Variants in SEMA3A observed in about 807,000 individuals in gnomAD.
SEMA3A encodes the protein semaphorin 3A.
Under a neutral mutation model 97.9 loss-of-function variants are expected in SEMA3A, and 29 were observed. The observed-to-expected ratio is 0.30, with a 90% CI of 0.22 to 0.40. The LOEUF (loss-of-function observed/expected upper bound fraction) is 0.40, where lower values mean the gene tolerates loss of function less well. Ranked by LOEUF, SEMA3A falls within the 10% of genes least tolerant of loss-of-function variation. SEMA3A has a pLI of 1.00. For synonymous variants in SEMA3A, 321 were observed against 323.7 expected (o/e 0.99, Z 0.09); for missense variants, 763 against 951.3 (o/e 0.80, Z 2.60).
intron 4 of SEMA3A, among the ~76,000 whole-genome samples, chr7:84,092,357 C>G (rs1431525466): frequency 1.3e-5 from 2 of 152,068 alleles, no homozygotes; most frequent in East Asian, 3.9e-4. Context: ...TGTGTACATA[C>G]GAATGCCTTT....
intron 5 of SEMA3A, among the ~76,000 whole-genome samples, chr7:84,058,620 T>G (rs1228243733): frequency 6.6e-6 from 1 of 152,202 alleles, no homozygotes; most frequent in African/African-American, 2.4e-5. Context: ...ATCTTGCTAT[T>G]CAATGATTTC....
At chr7:84,303,012 A>G (rs1434610615) in intron 3 of SEMA3A, among the ~76,000 whole-genome samples, 2 of 152,212 alleles carry the variant, frequency 1.3e-5, no homozygotes, top group Non-Finnish European at 1.5e-5. Context: ...TTAGCCAGCA[A>G]AATAAATAGA....
chr7:84,196,123 A>C (rs968649519), upstream of SEMA3A, among the ~76,000 whole-genome samples: 39 of 132,948 alleles, frequency 2.9e-4, no homozygotes, highest in South Asian at 4.9e-4. Flanking sequence ...TCCTACCACC[A>C]CTCCCCACCC....
chr7:84,330,435 C>A (rs581760), intron 2 of SEMA3A, among the ~76,000 whole-genome samples: 69,338 of 151,794 alleles, frequency 0.46, 18,134 homozygotes, highest in African/African-American at 0.69. Context: ...TATGCACTTA[C>A]TTAATAAGAT....
chr7:83,988,408 T>C (rs1789730083), intron 12 of SEMA3A, among the ~76,000 whole-genome samples: 1 of 151,990 alleles, frequency 6.6e-6, no homozygotes, highest in African/African-American at 2.4e-5. Flanking sequence ...TTTGTATTTT[T>C]AGTAGAGATG....
At chr7:83,982,384 T>C (rs952921473) in intron 13 of SEMA3A, among the ~76,000 whole-genome samples, 3 of 152,216 alleles carry the variant, frequency 2.0e-5, no homozygotes, top group Non-Finnish European at 4.4e-5. Flanking sequence ...TTTCTAATAA[T>C]TCAGGATTTC....
chr7:84,382,865 G>GA (rs1803302721), intron 1 of SEMA3A, among the ~76,000 whole-genome samples: 1 of 151,884 alleles, frequency 6.6e-6, no homozygotes, highest in Admixed American at 6.6e-5. Flanking sequence ...GTGACAGAGC[G>GA]AGACTCCATC....
chr7:84,008,562 T>G (rs371336671), intron 9 of SEMA3A, among the ~76,000 whole-genome samples: 1 of 151,544 alleles, frequency 6.6e-6, no homozygotes, highest in African/African-American at 2.4e-5. Flanking sequence ...GCTTGAGTAA[T>G]GTATTTATAC....
At chr7:84,475,959 C>T (rs1007097368) in intron 1 of SEMA3A, among the ~76,000 whole-genome samples, 2 of 152,088 alleles carry the variant, frequency 1.3e-5, no homozygotes, top group African/African-American at 4.8e-5. Context: ...ACAAATAAAG[C>T]CAGTTTTGCA....
intron 1 of SEMA3A, among the ~76,000 whole-genome samples, chr7:84,463,774 T>C (rs2715041): frequency 0.28 from 42,017 of 151,958 alleles, 8,025 homozygotes; most frequent in East Asian, 0.78. Context: ...CCGTTCCTCC[T>C]TCTGTCCCTC....
At chr7:84,009,349 A>G (rs866862707) in intron 9 of SEMA3A, among the ~76,000 whole-genome samples, 3 of 152,200 alleles carry the variant, frequency 2.0e-5, no homozygotes, top group African/African-American at 7.2e-5. Context: ...GGGAAGAAAT[A>G]TTATTTAGGT....
intron 6 of SEMA3A, among the ~76,000 whole-genome samples, chr7:84,019,238 G>A (rs1791226707): frequency 6.6e-6 from 1 of 152,150 alleles, no homozygotes; most frequent in African/African-American, 2.4e-5. Context: ...AGCGATGGAA[G>A]GAAGACAAGC....
rs1440101649 is a variant in SEMA3A, at chr7:84,335,849, GAGT to G, written c.-168-28560_-168-28558del. The stretch of plus-strand genomic sequence containing the variant: ...AATTAAAAGGTGAAAGGAACTTTAA[GAGT>G]AGATTTTATTTTACTTAATATATTA... On this transcript the variant is annotated intron_variant, in intron 2 of 3. Transcript: ENST00000424555. Among the ~76,000 whole-genome samples the G allele has an allele frequency of 2.6e-5, 4 of 152,166 alleles. No individual in the cohort carries two copies. In the East Asian group the frequency reaches 7.7e-4, roughly 29 times the overall value.
At chr7:84,359,363 TG>T (rs1406421689) in intron 2 of SEMA3A, among the ~76,000 whole-genome samples, 1 of 152,100 alleles carries the variant, frequency 6.6e-6, no homozygotes, top group East Asian at 1.9e-4. Context: ...TGTTGAATTT[TG>T]TCAAAGGCCT....
At chr7:84,222,807 G>A (rs1352400543) in intron 3 of SEMA3A, among the ~76,000 whole-genome samples, 1 of 151,740 alleles carries the variant, frequency 6.6e-6, no homozygotes, top group African/African-American at 2.4e-5. Context: ...AGCTGTTCAA[G>A]GGCAACGGTT....
At chr7:84,127,907 A>G (rs1795851173) in intron 3 of SEMA3A, among the ~76,000 whole-genome samples, 1 of 152,120 alleles carries the variant, frequency 6.6e-6, no homozygotes, top group Non-Finnish European at 1.5e-5. Context: ...AAAACTTTTA[A>G]ACATATTGCT....
intron 3 of SEMA3A, among the ~76,000 whole-genome samples, chr7:84,265,308 G>C (rs1246670458): frequency 6.6e-6 from 1 of 151,540 alleles, no homozygotes; most frequent in African/African-American, 2.4e-5. Flanking sequence ...TTCCAGAATG[G>C]AGCACAGCAA....
At chr7:83,986,538 A>G (rs369976403) in intron 12 of SEMA3A, among the ~76,000 whole-genome samples, 26 of 152,328 alleles carry the variant, frequency 1.7e-4, no homozygotes, top group Middle Eastern at 3.4e-3. Context: ...TTCATGGTCA[A>G]TGAACTGTGC....
chr7:84,221,739 G>C (rs1320126335), intron 3 of SEMA3A, among the ~76,000 whole-genome samples: 6 of 151,968 alleles, frequency 3.9e-5, no homozygotes, highest in Non-Finnish European at 5.9e-5. Flanking sequence ...CATAGGCATA[G>C]TTTATGGCAT....
Sources: gnomAD v4.1 joint callset for allele counts (sites outside exome capture counted in the v4.1 genomes callset) on GRCh38, gnomAD v4.1.1 for gene constraint, MANE v1.5 for transcripts, NCBI Gene and HGNC (gene_info 2026-07-23, HGNC 2026-07-21) for gene names.